The following TMEM63B variants were observed in gnomAD, a reference collection of about 807,000 sequenced individuals.
TMEM63B encodes the protein mechanosensitive cation channel TMEM63B.
A neutral mutation model predicts 102.6 loss-of-function variants in TMEM63B; 23 were observed. That is an observed-to-expected ratio of 0.22 (90% CI 0.16 to 0.32). The LOEUF is 0.32. Among genes scored for constraint, TMEM63B ranks in the 10% least tolerant of loss-of-function variants. The probability of loss-of-function intolerance (pLI) is 1.00; values close to 1 mark genes in which losing one functional copy is unlikely to be tolerated. For missense variants in TMEM63B, 628 were observed against 1,095.9 expected, an observed-to-expected ratio of 0.57 and a Z score of 6.03; for synonymous variants, 444 against 437.0, an observed-to-expected ratio of 1.02 and a Z score of -0.20.
rs369792839 is a variant in TMEM63B at position 44,148,508 on chromosome 6, T to C, written c.1122-5T>C. ...GCCTGTGGTAACCAGTGCCCATCTTTCTAGCATCCTGAAGGACTTCAACGT... is the reference window on the plus strand; with the variant it reads ...GCCTGTGGTAACCAGTGCCCATCTTCCTAGCATCCTGAAGGACTTCAACGT... On this transcript the variant is annotated splice_polypyrimidine_tract_variant and splice_region_variant and intron_variant, in intron 13 of 23. Coordinates refer to ENST00000323267, the MANE Select transcript of TMEM63B (RefSeq NM_018426.3). This position sits in a 1 kb window ranked among gnomAD's most constrained non-coding sequence, Gnocchi z 5.1. 1.8e-5 allele frequency: 29 copies of C among 1,613,774 alleles called. No individual in the cohort carries two copies. Among genetic ancestry groups the C allele is most frequent in the African/African-American group, 8.0e-5 (6 of 74,948 alleles).
At chr6:44,130,983 T>A (rs372217004) in intron 1 of TMEM63B, among the ~76,000 whole-genome samples, 11 of 152,020 alleles carry the variant, frequency 7.2e-5, no homozygotes, top group East Asian at 3.9e-4. Context: ...AGTGGCATGA[T>A]CTAAGGTCAC....
intron 6 of TMEM63B, chr6:44,138,724 G>C: frequency 2.6e-6 from 1 of 382,518 alleles, no homozygotes; most frequent in Non-Finnish European, 4.8e-6. Context: ...TCTCCTCTGT[G>C]ACCCCCTGCC....
intron 8 of TMEM63B, 59 bp downstream of exon 8, chr6:44,139,818 G>A (rs1052230253): frequency 6.2e-7 from 1 of 1,606,624 alleles, no homozygotes; most frequent in Non-Finnish European, 8.5e-7. Flanking sequence ...GGGCCATGAT[G>A]TGGGACAGGG....
intron 5 of TMEM63B, chr6:44,138,240 C>T (rs779983475): frequency 5.7e-5 from 25 of 436,598 alleles, no homozygotes; most frequent in South Asian, 1.7e-4. Context: ...TAGATCTGGA[C>T]ATGGGGATTC....
rs1762572363 is a variant in TMEM63B, at chr6:44,134,663, C to T, written c.79C>T (p.Arg27Cys). 1.2e-6 allele frequency: 2 copies of T among 1,614,100 alleles called. No homozygotes were observed. Among genetic ancestry groups the T allele is most frequent in the South Asian group, 1.1e-5 (1 of 91,094 alleles). Residue 27 changes from arginine to cysteine, a missense_variant, in exon 2 of 24, where the codon CGC becomes TGC. Arg to Cys is a radical substitution (Grantham distance 180). Transcript: ENST00000323267. The part of the protein sequence containing the change: ...SNPKDYCYSA[R>C]IRSTVLQGLP... ...CCCCAAGGACTACTGCTACAGCGCCCGCATCCGCAGCACTGTCCTGCAGGG... is the reference window on the plus strand; with the variant it reads ...CCCCAAGGACTACTGCTACAGCGCCTGCATCCGCAGCACTGTCCTGCAGGG...
chr6:44,130,137 C>T (rs989994567), intron 1 of TMEM63B, among the ~76,000 whole-genome samples: 2 of 152,202 alleles, frequency 1.3e-5, no homozygotes, highest in African/African-American at 4.8e-5. Context: ...TAACTGACTG[C>T]CTCCGGCTCC....
chr6:44,142,200 G>C (rs796244819), intron 10 of TMEM63B, among the ~76,000 whole-genome samples: 4 of 150,084 alleles, frequency 2.7e-5, no homozygotes, highest in African/African-American at 9.8e-5. Context: ...GGAGGCCCAA[G>C]ATGGGAGAAT....
At chr6:44,146,949 A>T in intron 11 of TMEM63B, 22 bp downstream of exon 11, 1 of 1,612,818 alleles carries the variant, frequency 6.2e-7, no homozygotes. Context: ...GGGGCAGAGG[A>T]GGGTGACACC....
intron 1 of TMEM63B, among the ~76,000 whole-genome samples, chr6:44,133,254 C>T (rs1426127231): frequency 6.6e-6 from 1 of 152,178 alleles, no homozygotes; most frequent in Non-Finnish European, 1.5e-5. Flanking sequence ...ACATAAACAA[C>T]TCCATCCTCC....
chr6:44,154,734 G>C lies in TMEM63B; in HGVS notation c.2350G>C (p.Asp784His). 6.3e-7 allele frequency: 1 copy of C among 1,586,244 alleles called. No homozygotes were observed. The highest frequency in any genetic ancestry group is 8.6e-7 in the Non-Finnish European group (1 of 1,168,736). Residue 784 changes from aspartate to histidine, a missense_variant, in exon 24 of 24, where the codon GAT (aspartate) becomes CAT (histidine). Physicochemically the swap from Asp to His is moderately conservative, Grantham distance 81. Transcript: ENST00000323267. ...QVLQDSEVDG[D>H]GDGAPGSSGD... The stretch of plus-strand genomic sequence containing the variant: ...GCTGCAGGACTCAGAGGTGGACGGG[G>C]ATGGGGATGGGGCTCCTGGGAGCTC...
In TMEM63B at chr6:44,153,812, C is replaced by T; in HGVS notation, c.2079C>T (p.Phe693=). Residue 693 remains phenylalanine (F), a synonymous_variant, in exon 21 of 24, where the codon TTC becomes TTT. Transcript: ENST00000323267. Reference sequence around the variant, plus strand: ...TGGCCGCGCCCATCCTCTGCCTCTTCTGGCTGCTCTTCTTTTCCACCATGC... The same window carrying T: ...TGGCCGCGCCCATCCTCTGCCTCTTTTGGCTGCTCTTCTTTTCCACCATGC... The part of the protein sequence containing the change: ...QVVAAPILCL[F]WLLFFSTMRT... 1 of 1,614,050 alleles carries T rather than the reference C, an allele frequency of 6.2e-7. No individual in the cohort carries two copies. Among genetic ancestry groups the T allele is most frequent in the Non-Finnish European group, 8.5e-7 (1 of 1,179,968 alleles).
intron 1 of TMEM63B, 139 bp from the exon 2 acceptor site, chr6:44,134,422 C>G (rs750223213): frequency 1.9e-5 from 16 of 822,736 alleles, no homozygotes; most frequent in African/African-American, 3.4e-5. Flanking sequence ...CTCCCTAGGC[C>G]CTTATCTCCA....
At chr6:44,130,613 G>T (rs1778079602) in intron 1 of TMEM63B, among the ~76,000 whole-genome samples, 1 of 151,116 alleles carries the variant, frequency 6.6e-6, no homozygotes, top group Non-Finnish European at 1.5e-5. Context: ...CTAAATTTTG[G>T]TGGTGGGGGG....
At chr6:44,147,055 G>A in intron 11 of TMEM63B, 128 bp downstream of exon 11, 9 of 1,059,984 alleles carry the variant, frequency 8.5e-6, no homozygotes, top group Admixed American at 4.0e-5. Flanking sequence ...TCAACTCGTT[G>A]GTGTGCCTGT....
In TMEM63B at chr6:44,149,970, GGTGCCTCCACTCACACCACACCTCGCT is replaced by G; in HGVS notation, c.1520+9_1520+35del. The G allele has an allele frequency of 6.2e-7, 1 of 1,611,984 alleles. No homozygotes were observed. On this transcript the variant is annotated splice_donor_region_variant and intron_variant, in intron 16 of 23. Coordinates refer to ENST00000323267, the MANE Select transcript of TMEM63B (RefSeq NM_018426.3). ...CTTTGAAGCCCACTGGACACGGTAA[GGTGCCTCCACTCACACCACACCTCGCT>G]GTGGCCTGCCCTCAATGACCCATCC...
At chr6:44,135,841 A>G (rs1762833946) in intron 4 of TMEM63B, among the ~76,000 whole-genome samples, 2 of 152,084 alleles carry the variant, frequency 1.3e-5, no homozygotes, top group African/African-American at 2.4e-5. Context: ...ATCTCTGTCT[A>G]TAGGATTGGA....
chr6:44,142,300 G>A (rs886337649), intron 10 of TMEM63B, among the ~76,000 whole-genome samples: 3 of 151,078 alleles, frequency 2.0e-5, no homozygotes, highest in Non-Finnish European at 4.4e-5. Flanking sequence ...ATTGAGGGCC[G>A]GGAGTTTGAG....
chr6:44,139,668 C>T lies in TMEM63B; in HGVS notation c.551-40C>T, dbSNP rs1052232690. The T allele has an allele frequency of 9.9e-6, 16 of 1,613,994 alleles. No individual in the cohort carries two copies. In the African/African-American group the frequency reaches 1.5e-4, roughly 15 times the overall value. The stretch of plus-strand genomic sequence containing the variant: ...AGGATGGGGCTGGAGGGGATGTGCC[C>T]TGACCCCACCATCATCCTCTCCCTC... On this transcript the variant is annotated intron_variant, in intron 7 of 23. Coordinates refer to ENST00000323267, the MANE Select transcript of TMEM63B (RefSeq NM_018426.3).
In TMEM63B at chr6:44,135,055, C is replaced by T; in HGVS notation, c.198C>T (p.Ala66=). 1 of 1,614,242 alleles carries T rather than the reference C, an allele frequency of 6.2e-7. No individual in the cohort carries two copies. The highest frequency in any genetic ancestry group is 8.5e-7 in the Non-Finnish European group (1 of 1,180,036). ...LFLFSILRKV[A]WDYGRLALVT... ...TATTCTCTATCCTCCGGAAGGTGGC[C>T]TGGGACTATGGGCGGCTGGCCTTGG... is the stretch of plus-strand genomic sequence containing the variant. Residue 66 remains alanine (A), a synonymous_variant, in exon 3 of 24, where the codon GCC becomes GCT. Coordinates refer to ENST00000323267, the MANE Select transcript of TMEM63B (RefSeq NM_018426.3).
Sources: allele counts gnomAD v4.1 joint callset (sites outside exome capture counted in the v4.1 genomes callset), GRCh38; gene constraint gnomAD v4.1.1; non-coding constraint Gnocchi (gnomAD v3.1); transcripts MANE v1.5; gene names NCBI Gene and HGNC (gene_info 2026-07-23, HGNC 2026-07-21).